TRABD2B: variants seen among roughly 807,000 people sequenced by gnomAD.
The protein encoded by TRABD2B is metalloprotease TIKI2.
Under a neutral mutation model 40.1 loss-of-function variants are expected in TRABD2B, and 14 were observed. The ratio of observed to expected loss-of-function variants is 0.35; its 90% confidence interval spans 0.23 to 0.55. The LOEUF is 0.55. Ranked by LOEUF, TRABD2B falls within the 20% of genes least tolerant of loss-of-function variation. The probability of loss-of-function intolerance (pLI) is 0.90; values close to 1 mark genes in which losing one functional copy is unlikely to be tolerated. For missense variants in TRABD2B, 541 were observed against 648.6 expected (o/e 0.83, Z 1.80); for synonymous variants, 263 against 277.0 (o/e 0.95, Z 0.50).
chr1:47,768,433 T>G (rs1331532454), intron 6 of TRABD2B, among the ~76,000 whole-genome samples: 1 of 151,714 alleles, frequency 6.6e-6, no homozygotes, highest in Non-Finnish European at 1.5e-5. Context: ...CTGACTGCCC[T>G]CCCCTTTCAT....
intron 2 of TRABD2B, among the ~76,000 whole-genome samples, chr1:47,961,244 A>G (rs182812774): frequency 1.1e-3 from 165 of 152,340 alleles, no homozygotes; most frequent in African/African-American, 3.8e-3. Context: ...TGTTAGACCT[A>G]AAACCATAAA....
intron 2 of TRABD2B, among the ~76,000 whole-genome samples, chr1:47,986,866 G>C (rs1008203513): frequency 6.6e-6 from 1 of 152,220 alleles, no homozygotes; most frequent in Non-Finnish European, 1.5e-5. Flanking sequence ...GGCAGCCGCT[G>C]AACAGAACTG....
intron 2 of TRABD2B, among the ~76,000 whole-genome samples, chr1:47,893,065 G>A (rs1020563742): frequency 6.6e-6 from 1 of 152,176 alleles, no homozygotes; most frequent in African/African-American, 2.4e-5. Flanking sequence ...GAGGTCAGTG[G>A]TGAGACAGGT....
At chr1:47,970,377 C>G (rs550395477) in intron 2 of TRABD2B, among the ~76,000 whole-genome samples, 4 of 152,118 alleles carry the variant, frequency 2.6e-5, no homozygotes, top group Non-Finnish European at 5.9e-5. Flanking sequence ...TCTCACTCCT[C>G]CTGACTCAAC....
At chr1:47,983,228 G>A (rs779804180) in intron 2 of TRABD2B, among the ~76,000 whole-genome samples, 1 of 152,088 alleles carries the variant, frequency 6.6e-6, no homozygotes, top group African/African-American at 2.4e-5. Flanking sequence ...ACTAACACAG[G>A]GACAGAAAAC....
At chr1:47,940,237 G>A (rs1416571956) in intron 2 of TRABD2B, among the ~76,000 whole-genome samples, 3 of 152,186 alleles carry the variant, frequency 2.0e-5, no homozygotes, top group Non-Finnish European at 4.4e-5. Flanking sequence ...CAGGTAGAAT[G>A]GATAATGCTT....
At chr1:47,917,519 G>C (rs894432032) in intron 2 of TRABD2B, among the ~76,000 whole-genome samples, 7 of 152,022 alleles carry the variant, frequency 4.6e-5, no homozygotes, top group African/African-American at 1.7e-4. Flanking sequence ...CCAGGAGTTT[G>C]AGACTAGCCT....
At chr1:47,827,259 G>A (rs561723511) in intron 2 of TRABD2B, among the ~76,000 whole-genome samples, 11 of 152,334 alleles carry the variant, frequency 7.2e-5, no homozygotes, top group East Asian at 3.9e-4. Flanking sequence ...TCAGGGCTCC[G>A]GAAACATGAA....
At chr1:47,874,334 G>A (rs576242275) in intron 2 of TRABD2B, among the ~76,000 whole-genome samples, 26 of 143,902 alleles carry the variant, frequency 1.8e-4, no homozygotes, top group African/African-American at 5.4e-4. Context: ...CTGCAGTGGC[G>A]CAATCTCGGC....
chr1:47,940,040 C>T lies in TRABD2B; in HGVS notation c.666+53994G>A, dbSNP rs543726066. ...GCTCCAACCGAATTTCCTAGCCTTCCGTTCCCCACCATCCCTGATGCACCC... is the reference window on the plus strand; with the variant it reads ...GCTCCAACCGAATTTCCTAGCCTTCTGTTCCCCACCATCCCTGATGCACCC... On this transcript the variant is annotated intron_variant, in intron 2 of 6. Transcript: ENST00000606738. Among the ~76,000 whole-genome samples, 5 of 152,318 alleles carry T rather than the reference C, an allele frequency of 3.3e-5. No homozygotes were observed. In the South Asian group the frequency reaches 6.2e-4, roughly 19 times the overall value.
intron 2 of TRABD2B, among the ~76,000 whole-genome samples, chr1:47,823,777 G>T (rs1399606508): frequency 6.6e-6 from 1 of 152,166 alleles, no homozygotes; most frequent in Non-Finnish European, 1.5e-5. Context: ...AACCCTCTGG[G>T]TTTTCACAAG....
intron 4 of TRABD2B, among the ~76,000 whole-genome samples, chr1:47,792,749 C>T (rs900975769): frequency 5.9e-5 from 9 of 152,278 alleles, no homozygotes; most frequent in Admixed American, 5.9e-4. Flanking sequence ...CCCTGGGAGA[C>T]TCTGCTCCTG....
chr1:47,775,363 C>A lies in TRABD2B; in HGVS notation c.1156G>T (p.Val386Phe). The change falls in exon 6 of 7, where the codon GTC becomes TTC. Residue 386 changes from valine (V) to phenylalanine (F), a missense_variant. Physicochemically the swap from Val to Phe is conservative, Grantham distance 50. Coordinates refer to ENST00000606738, the MANE Select transcript of TRABD2B (RefSeq NM_001194986.2). The part of the protein sequence containing the change: ...SPAPVTPAAA[V>F]PEAPSVTPTA... Reference sequence around the variant, plus strand: ...GGGGTCACAGAGGGTGCTTCGGGGACAGCGGCAGCTGGGGTCACTGGGGCC... The same window carrying A: ...GGGGTCACAGAGGGTGCTTCGGGGAAAGCGGCAGCTGGGGTCACTGGGGCC... 1.6e-6 allele frequency: 2 copies of A among 1,238,592 alleles called. No individual in the cohort carries two copies. Among genetic ancestry groups the A allele is most frequent in the Non-Finnish European group, 2.0e-6 (2 of 989,996 alleles). The allele number at this position is 1,238,592 out of a possible 1,614,324, so 76.7% of individuals were successfully genotyped here. A position where few individuals can be genotyped will look rare whatever the true frequency, so the allele number is the denominator to read the frequency against.
intron 2 of TRABD2B, among the ~76,000 whole-genome samples, chr1:47,820,813 CA>C (rs1645098301): frequency 1.3e-5 from 2 of 151,822 alleles, no homozygotes; most frequent in South Asian, 4.2e-4. Flanking sequence ...CACACACACA[CA>C]CACACACAAA....
At chr1:47,776,304 C>T (rs1325437547) in intron 5 of TRABD2B, among the ~76,000 whole-genome samples, 1 of 152,184 alleles carries the variant, frequency 6.6e-6, no homozygotes, top group Non-Finnish European at 1.5e-5. Context: ...CCCGGCTCCA[C>T]AACTTGCAAG....
intron 2 of TRABD2B, among the ~76,000 whole-genome samples, chr1:47,815,651 T>A (rs924723211): frequency 6.6e-6 from 1 of 152,176 alleles, no homozygotes; most frequent in African/African-American, 2.4e-5. Context: ...TTTGTCTTCC[T>A]CTTGTGTGAG....
intron 2 of TRABD2B, among the ~76,000 whole-genome samples, chr1:47,953,633 CTT>C (rs1016915224): frequency 1.3e-5 from 2 of 152,332 alleles, no homozygotes; most frequent in Non-Finnish European, 1.5e-5. Flanking sequence ...CACTTCACCT[CTT>C]TGAGTCCCCC....
At chr1:47,768,671 G>A (rs1425564184) in intron 6 of TRABD2B, among the ~76,000 whole-genome samples, 1 of 152,102 alleles carries the variant, frequency 6.6e-6, no homozygotes, top group African/African-American at 2.4e-5. Flanking sequence ...AGTTTGCATG[G>A]GTTTCTATAT....
intron 2 of TRABD2B, among the ~76,000 whole-genome samples, chr1:47,887,074 T>C (rs1166975697): frequency 6.6e-6 from 1 of 152,154 alleles, no homozygotes; most frequent in Non-Finnish European, 1.5e-5. Context: ...AAAGGTAAAG[T>C]GGGCTAATAA....
Sources: gnomAD v4.1 joint callset for allele counts (sites outside exome capture counted in the v4.1 genomes callset) on GRCh38, gnomAD v4.1.1 for gene constraint, MANE v1.5 for transcripts, NCBI Gene and HGNC (gene_info 2026-07-23, HGNC 2026-07-21) for gene names.